The following TEK variants were observed in gnomAD, a reference collection of about 807,000 sequenced individuals.
TEK encodes the protein angiopoietin-1 receptor.
A neutral mutation model predicts 131.8 loss-of-function variants in TEK; 43 were observed. The observed-to-expected ratio is 0.33, with a 90% confidence interval of 0.26 to 0.42. The LOEUF is 0.42. Ranked by LOEUF, TEK falls within the 10% of genes least tolerant of loss-of-function variation. The pLI, the probability that TEK is intolerant of heterozygous loss-of-function variation, is 1.00. For missense variants in TEK, 1,162 were observed against 1,384.4 expected (o/e 0.84, Z 2.55); for synonymous variants, 580 against 491.6 (o/e 1.18, Z -2.38).
At chr9:27,135,407 C>G (rs1386858632) in intron 1 of TEK, among the ~76,000 whole-genome samples, 1 of 151,998 alleles carries the variant, frequency 6.6e-6, no homozygotes, top group Admixed American at 6.6e-5. Context: ...CTAGTTGTGA[C>G]TGTTTTGCAG....
intron 16 of TEK, chr9:27,210,465 A>T (rs568990361): frequency 1.5e-5 from 3 of 196,260 alleles, no homozygotes; most frequent in Admixed American, 5.0e-5. Context: ...TGGACAGACT[A>T]AACCAGTTTT....
At chr9:27,159,575 G>C (rs1034374099) in intron 2 of TEK, among the ~76,000 whole-genome samples, 3 of 152,192 alleles carry the variant, frequency 2.0e-5, no homozygotes, top group East Asian at 1.9e-4. Context: ...GATTTTGAAA[G>C]CCTCCTCTAA....
chr9:27,212,915 C>G lies in TEK; in HGVS notation c.2877+18C>G, dbSNP rs768487170. 1 of 1,612,016 alleles carries G rather than the reference C, an allele frequency of 6.2e-7. No homozygotes were observed. Among genetic ancestry groups the G allele is most frequent in the Non-Finnish European group, 8.5e-7 (1 of 1,179,700 alleles). On this transcript the variant is annotated intron_variant, in intron 17 of 22. Coordinates refer to ENST00000380036, the MANE Select transcript of TEK (RefSeq NM_000459.5). ...AAAAACAGGTTTGTCCGGAGGACTT[C>G]GCTTTGGATATCTTTCCTGTGGAGT...
intron 1 of TEK, among the ~76,000 whole-genome samples, chr9:27,135,006 C>A (rs564152865): frequency 6.6e-6 from 1 of 152,268 alleles, no homozygotes; most frequent in South Asian, 2.1e-4. Context: ...AGGTGGATCA[C>A]CTGACGTCAA....
chr9:27,196,644 G>A (rs1366551240), intron 11 of TEK, among the ~76,000 whole-genome samples: 2 of 152,076 alleles, frequency 1.3e-5, no homozygotes, highest in Non-Finnish European at 2.9e-5. Flanking sequence ...CGTATAGGAA[G>A]CATCTGCTTT....
At chr9:27,128,031 T>A (rs952070386) in intron 1 of TEK, among the ~76,000 whole-genome samples, 3 of 152,206 alleles carry the variant, frequency 2.0e-5, no homozygotes, top group African/African-American at 7.2e-5. Context: ...TTTTGGTGTT[T>A]TAGACATGAA....
intron 9 of TEK, among the ~76,000 whole-genome samples, chr9:27,186,726 T>C (rs1225180079): frequency 1.3e-5 from 2 of 152,208 alleles, no homozygotes; most frequent in Non-Finnish European, 2.9e-5. Flanking sequence ...GTGACCAAAG[T>C]TGATTTGTAT....
chr9:27,204,763 T>C, intron 13 of TEK, 148 bp from the exon 14 acceptor site: 1 of 959,586 alleles, frequency 1.0e-6, no homozygotes, highest in Middle Eastern at 3.2e-4. Context: ...GGAATATAAA[T>C]GAGTAGCCCG....
chr9:27,210,411 G>T, intron 16 of TEK: 1 of 191,248 alleles, frequency 5.2e-6, no homozygotes, highest in Non-Finnish European at 1.1e-5. Context: ...TTCTCTGGAT[G>T]CCCAGGGAAA....
intron 1 of TEK, among the ~76,000 whole-genome samples, chr9:27,119,396 G>C (rs1821695370): frequency 6.6e-6 from 1 of 152,148 alleles, no homozygotes; most frequent in Non-Finnish European, 1.5e-5. Flanking sequence ...ATGTTATTAA[G>C]ATTTGGTTAT....
chr9:27,126,270 A>G (rs1383990434), intron 1 of TEK, among the ~76,000 whole-genome samples: 3 of 152,210 alleles, frequency 2.0e-5, no homozygotes, highest in Non-Finnish European at 4.4e-5. Flanking sequence ...GGCATATCAC[A>G]GCTTTGTGAT....
chr9:27,165,225 C>A (rs911280687), intron 2 of TEK, among the ~76,000 whole-genome samples: 2 of 152,142 alleles, frequency 1.3e-5, no homozygotes, highest in Non-Finnish European at 2.9e-5. Context: ...TTTCAGAACA[C>A]AATACTGAGT....
At chr9:27,130,331 G>T (rs999303900) in intron 1 of TEK, among the ~76,000 whole-genome samples, 2 of 151,938 alleles carry the variant, frequency 1.3e-5, no homozygotes, top group South Asian at 2.1e-4. Flanking sequence ...TGGAAAAAAG[G>T]GTTGTTTAAA....
rs996521816 is a variant in TEK at position 27,206,881 on chromosome 9, A to G, written c.2575+89A>G. The G allele has an allele frequency of 1.0e-5, 15 of 1,451,060 alleles. No homozygotes were observed. The African/African-American group carries it at 1.8e-4, about 18-fold the overall frequency. The allele number at this position is 1,451,060 out of a possible 1,614,324, so 89.9% of individuals were successfully genotyped here. On this transcript the variant is annotated intron_variant, in intron 15 of 22. Coordinates refer to ENST00000380036, the MANE Select transcript of TEK (RefSeq NM_000459.5). ...TCATTCTTTCCTCTATGGTCTTACA[A>G]AAAATTGGCATGGTATCAGACATAG...
At chr9:27,124,709 A>G (rs1312495385) in intron 1 of TEK, among the ~76,000 whole-genome samples, 1 of 152,262 alleles carries the variant, frequency 6.6e-6, no homozygotes, top group Non-Finnish European at 1.5e-5. Context: ...GCAGCATGAT[A>G]GTACCTACCT....
intron 1 of TEK, among the ~76,000 whole-genome samples, chr9:27,112,674 G>T (rs145203957): frequency 6.6e-6 from 1 of 152,138 alleles, no homozygotes; most frequent in African/African-American, 2.4e-5. Flanking sequence ...CTCCCCAAAG[G>T]ATATCTGTGT....
intron 7 of TEK, among the ~76,000 whole-genome samples, chr9:27,181,851 C>T (rs1824389791): frequency 6.6e-6 from 1 of 152,046 alleles, no homozygotes; most frequent in African/African-American, 2.4e-5. Flanking sequence ...AATATAAATG[C>T]CATTGAAATA....
intron 1 of TEK, among the ~76,000 whole-genome samples, chr9:27,136,373 C>T (rs1203850354): frequency 6.6e-6 from 1 of 152,186 alleles, no homozygotes; most frequent in Admixed American, 6.5e-5. Context: ...AGCCACTGCG[C>T]CGGTCCCTAC....
At chr9:27,141,539 A>C (rs1284562052) in intron 1 of TEK, among the ~76,000 whole-genome samples, 1 of 152,200 alleles carries the variant, frequency 6.6e-6, no homozygotes, top group African/African-American at 2.4e-5. Flanking sequence ...TTCAAGAGGA[A>C]CTTTGACTTA....
Sources: gnomAD v4.1 joint callset for allele counts (sites outside exome capture counted in the v4.1 genomes callset) on GRCh38, gnomAD v4.1.1 for gene constraint, MANE v1.5 for transcripts, NCBI Gene and HGNC (gene_info 2026-07-23, HGNC 2026-07-21) for gene names.